IFT22: variants seen among roughly 807,000 people sequenced by gnomAD.
The protein encoded by IFT22 is intraflagellar transport protein 22 homolog.
A neutral mutation model predicts 21.0 loss-of-function variants in IFT22; 13 were observed. The observed-to-expected ratio is 0.62, with a 90% CI of 0.40 to 0.98. The LOEUF (loss-of-function observed/expected upper bound fraction) is 0.98, where lower values mean the gene tolerates loss of function less well. Ranked by LOEUF, IFT22 falls within the 50% of genes least tolerant of loss-of-function variation. IFT22 has a pLI of 0.00. For synonymous variants in IFT22, 67 were observed against 82.4 expected, an observed-to-expected ratio of 0.81 and a Z score of 1.01; for missense variants, 227 against 228.9, an observed-to-expected ratio of 0.99 and a Z score of 0.06.
At chr7:101,320,433 G>T (rs1369743457) in intron 1 of IFT22, among the ~76,000 whole-genome samples, 1 of 149,890 alleles carries the variant, frequency 6.7e-6, no homozygotes, top group Non-Finnish European at 1.5e-5. Flanking sequence ...CTAATTTTTT[G>T]TATTTTTAGT....
chr7:101,315,301 G>T lies in IFT22; in HGVS notation c.410-19C>A, dbSNP rs1263612232. On this transcript the variant is annotated intron_variant, in intron 4 of 4. Transcript: ENST00000315322. The stretch of plus-strand genomic sequence containing the variant: ...GGTGGCGCTTGAAAATGAAGATAAG[G>T]TTAATTAGGCAAAGAGTTTCCATGA... The T allele has an allele frequency of 2.5e-6, 4 of 1,613,824 alleles. No individual in the cohort carries two copies. Among genetic ancestry groups the T allele is most frequent in the Non-Finnish European group, 3.4e-6 (4 of 1,179,994 alleles).
At chr7:101,321,385 T>C in intron 1 of IFT22, 1 of 455,274 alleles carries the variant, frequency 2.2e-6, no homozygotes, top group Non-Finnish European at 3.9e-6. Context: ...AAAGAAAGAG[T>C]CACGAAACCT....
intron 1 of IFT22, 147 bp downstream of exon 1, chr7:101,321,524 G>T: frequency 1.3e-6 from 1 of 742,404 alleles, no homozygotes; most frequent in Non-Finnish European, 2.2e-6. Flanking sequence ...TTCACGGAAA[G>T]GGCAGGGGCG....
chr7:101,315,096 A>C lies in IFT22; in HGVS notation c.*38T>G. The C allele has an allele frequency of 6.3e-7, 1 of 1,599,378 alleles. No homozygotes were observed. ...CAGATCTGCACCGAGAAACATGCTG[A>C]TTTCACTGGGGATGTGGCAGTCCCA... On this transcript the variant is annotated 3_prime_UTR_variant, in exon 5 of 5. Transcript: ENST00000315322.
Position 101,318,362 on chromosome 7 carries a change from A to G in IFT22, c.117-149T>C, listed in dbSNP as rs562495869. Reference sequence around the variant, plus strand: ...TGGTGAAACCCTTGCTACACTAAAAATAAAAGAATTAGCTGGGCATGATGG... The same window carrying G: ...TGGTGAAACCCTTGCTACACTAAAAGTAAAAGAATTAGCTGGGCATGATGG... On this transcript the variant is annotated intron_variant, in intron 2 of 4. Transcript: ENST00000315322. 192 of 543,768 alleles carry G rather than the reference A, an allele frequency of 3.5e-4. 2 individuals are homozygous for G. The highest frequency in any genetic ancestry group is 3.4e-3 in the South Asian group (187 of 55,756). The allele number at this position is 543,768 out of a possible 1,614,324, so 33.7% of individuals were successfully genotyped here. A position where few individuals can be genotyped will look rare whatever the true frequency, so the allele number is the denominator to read the frequency against.
intron 3 of IFT22, among the ~76,000 whole-genome samples, chr7:101,317,444 T>C (rs1790192684): frequency 6.6e-6 from 1 of 151,826 alleles, no homozygotes; most frequent in Admixed American, 6.6e-5. Flanking sequence ...CCTATTTTTT[T>C]TTTTTTTAAA....
chr7:101,317,832 A>C (rs1043495333), intron 3 of IFT22, among the ~76,000 whole-genome samples: 3 of 149,746 alleles, frequency 2.0e-5, no homozygotes, highest in Non-Finnish European at 4.4e-5. Flanking sequence ...CCTCCGCTTG[A>C]ACCTCCAGGG....
At chr7:101,319,804 C>T (rs1252921316) in intron 1 of IFT22, among the ~76,000 whole-genome samples, 1 of 151,474 alleles carries the variant, frequency 6.6e-6, no homozygotes, top group African/African-American at 2.4e-5. Context: ...ATCACCATGC[C>T]CAGCTAATTT....
At position 101,312,661 on chromosome 7, in the gene IFT22, G is replaced by T. The variant is rs1417055551; in HGVS notation, c.*2473C>A. On this transcript the variant is annotated 3_prime_UTR_variant, in exon 5 of 5. Coordinates refer to ENST00000315322, the MANE Select transcript of IFT22 (RefSeq NM_022777.4). ...AGTGATTCTCCTCCCTCAGCTTCCT[G>T]AGTAGCTGGGATTACAGGTACCCGC... Among the ~76,000 whole-genome samples, 1 of 147,070 alleles carries T rather than the reference G, an allele frequency of 6.8e-6. No homozygotes were observed. Among genetic ancestry groups the T allele is most frequent in the East Asian group, 2.0e-4 (1 of 4,898 alleles).
Position 101,316,562 on chromosome 7 carries a change from C to T in IFT22, c.207-20G>A. ...TCAAACCTGCGAGGAAGAAAAGGAA[C>T]AACAGGGAAAGTTAGGTCATTCTGG... is the stretch of plus-strand genomic sequence containing the variant. On this transcript the variant is annotated intron_variant, in intron 3 of 4. Coordinates refer to ENST00000315322, the MANE Select transcript of IFT22 (RefSeq NM_022777.4). 6.2e-7 allele frequency: 1 copy of T among 1,611,838 alleles called. No homozygotes were observed.
intron 4 of IFT22, chr7:101,315,645 CT>C (rs1790122305): frequency 7.8e-6 from 2 of 258,014 alleles, no homozygotes; most frequent in South Asian, 4.9e-5. Flanking sequence ...GAGTGCCCCC[CT>C]AGTTGTACCC....
rs1033075816 is a variant in IFT22 at position 101,321,765 on chromosome 7, G to C, written c.-56C>G. The C allele has an allele frequency of 2.9e-4, 442 of 1,514,240 alleles. No individual in the cohort carries two copies. Among genetic ancestry groups the C allele is most frequent in the African/African-American group, 3.8e-4 (27 of 71,884 alleles). The allele number at this position is 1,514,240 out of a possible 1,614,324, so 93.8% of individuals were successfully genotyped here. A position where few individuals can be genotyped will look rare whatever the true frequency, so the allele number is the denominator to read the frequency against. ...CCCACGGGAGGCGGCGCGTCAGGAC[G>C]GAGCTCTACTTGGCCGCTTTCGTTT... is the stretch of plus-strand genomic sequence containing the variant. On this transcript the variant is annotated 5_prime_UTR_variant, in exon 1 of 5. Transcript: ENST00000315322.
In IFT22 at chr7:101,312,032, ACT is replaced by A. The variant is rs1475649513; in HGVS notation, c.*3100_*3101del. 6.6e-6 allele frequency among the ~76,000 whole-genome samples: 1 copy of A among 151,986 alleles called. No homozygotes were observed. Among genetic ancestry groups the A allele is most frequent in the Non-Finnish European group, 1.5e-5 (1 of 68,008 alleles). ...AACTTGCTTCTACAATAAACCGTAA[ACT>A]CACCGTATCTAGTGATTCTGTACAT... On this transcript the variant is annotated 3_prime_UTR_variant, in exon 5 of 5. Coordinates refer to ENST00000315322, the MANE Select transcript of IFT22 (RefSeq NM_022777.4).
chr7:101,321,541 G>A, intron 1 of IFT22, 130 bp downstream of exon 1: 1 of 899,046 alleles, frequency 1.1e-6, no homozygotes, highest in South Asian at 1.7e-5. Context: ...GGCGCCAGTC[G>A]GGATGGGCGC....
rs190049687 is a variant in IFT22, at chr7:101,321,591, T to A, written c.39+80A>T. The A allele has an allele frequency of 5.8e-5, 84 of 1,456,508 alleles. No individual in the cohort carries two copies. The African/African-American group carries it at 1.1e-3, about 19-fold the overall frequency. 90.2% of individuals were successfully genotyped at this position (1,456,508 alleles called of 1,614,324 possible). A position where few individuals can be genotyped will look rare whatever the true frequency, so the allele number is the denominator to read the frequency against. On this transcript the variant is annotated intron_variant, in intron 1 of 4. Coordinates refer to ENST00000315322, the MANE Select transcript of IFT22 (RefSeq NM_022777.4). ...CCCGCCTCCGGGAGCAAGCCGCAGA[T>A]CAGACGGGTGGGGACCTGCGCTCGC...
At position 101,316,343 on chromosome 7, in the gene IFT22, A is replaced by C. The variant is rs981033786; in HGVS notation, c.406T>G (p.Leu136Val). 1 of 1,614,118 alleles carries C rather than the reference A, an allele frequency of 6.2e-7. No homozygotes were observed. Residue 136 changes from leucine to valine, a missense_variant, in exon 4 of 5, where the codon TTG becomes GTG. Leu to Val is a conservative substitution (Grantham distance 32). Transcript: ENST00000315322. Reference protein sequence around the residue: ...GSGDDKGSLSLSPPLNKLKLV... With the variant: ...GSGDDKGSLSVSPPLNKLKLV... ...AGAGAAATTCCAGTTTCCTTACACA[A>C]AGACAGGCTTCCTTTATCATCTCCA... is the stretch of plus-strand genomic sequence containing the variant.
intron 1 of IFT22, chr7:101,321,367 C>A: frequency 2.3e-6 from 1 of 426,838 alleles, no homozygotes; most frequent in Non-Finnish European, 4.2e-6. Flanking sequence ...AGGGGGATCC[C>A]GGGGGCAAAA....
Position 101,321,787 on chromosome 7 carries a change from G to T in IFT22, c.-78C>A. ...GACGGAGCTCTACTTGGCCGCTTTC[G>T]TTTCCATGGCGACGGAGAGAGGCCC... On this transcript the variant is annotated 5_prime_UTR_variant, in exon 1 of 5. Coordinates refer to ENST00000315322, the MANE Select transcript of IFT22 (RefSeq NM_022777.4). 1 of 1,407,028 alleles carries T rather than the reference G, an allele frequency of 7.1e-7. No homozygotes were observed. The allele number at this position is 1,407,028 out of a possible 1,614,324, so 87.2% of individuals were successfully genotyped here. A position where few individuals can be genotyped will look rare whatever the true frequency, so the allele number is the denominator to read the frequency against.
chr7:101,318,689 T>G (rs991539844), intron 2 of IFT22: 3 of 397,114 alleles, frequency 7.6e-6, no homozygotes, highest in African/African-American at 6.0e-5. Context: ...CAGGCTGGAG[T>G]GCAGTGGCAC....
Sources: allele counts gnomAD v4.1 joint callset (sites outside exome capture counted in the v4.1 genomes callset), GRCh38; gene constraint gnomAD v4.1.1; transcripts MANE v1.5; gene names NCBI Gene and HGNC (gene_info 2026-07-23, HGNC 2026-07-21).